The following CPS1 variants were observed in gnomAD, a reference collection of about 807,000 sequenced individuals.
The protein encoded by CPS1 is carbamoyl-phosphate synthase 1.
CPS1 carries 109 observed loss-of-function variants against 174.6 expected under a neutral mutation model. The ratio of observed to expected loss-of-function variants is 0.62; its 90% CI spans 0.53 to 0.73. CPS1 has a LOEUF of 0.73. Among genes scored for constraint, CPS1 ranks in the 30% least tolerant of loss-of-function variants. The pLI is 0.00. For missense variants in CPS1, 1,689 were observed against 1,821.9 expected, an observed-to-expected ratio of 0.93 and a Z score of 1.33; for synonymous variants, 637 against 632.0, an observed-to-expected ratio of 1.01 and a Z score of -0.12.
chr2:210,633,861 CGT>C (rs1363801100), intron 21 of CPS1, among the ~76,000 whole-genome samples: 2 of 152,088 alleles, frequency 1.3e-5, no homozygotes, highest in African/African-American at 2.4e-5. Flanking sequence ...ATGGTGCTGC[CGT>C]GTTAGCCCAT....
intron 1 of CPS1, among the ~76,000 whole-genome samples, chr2:210,563,880 C>A (rs1170123861): frequency 6.6e-6 from 1 of 152,142 alleles, no homozygotes; most frequent in East Asian, 1.9e-4. Context: ...GGGAATGTAG[C>A]TGTGTGACTC....
chr2:210,612,024 GTT>G lies in CPS1; in HGVS notation c.2392-90_2392-89del, dbSNP rs1699142812. On this transcript the variant is annotated intron_variant, in intron 19 of 37. Transcript: ENST00000233072. Reference sequence around the variant, plus strand: ...TATGATATATTTTTTGTTCTTATTTGTTTTATAAAATATATTTTACGTCCAGT... The same window carrying G: ...TATGATATATTTTTTGTTCTTATTTGTTATAAAATATATTTTACGTCCAGT... 3 of 1,060,690 alleles carry G rather than the reference GTT, an allele frequency of 2.8e-6. No homozygotes were observed. The Admixed American group carries it at 5.9e-5, about 21-fold the overall frequency. 65.7% of individuals were successfully genotyped at this position (1,060,690 alleles called of 1,614,324 possible).
intron 5 of CPS1, 158 bp downstream of exon 5, chr2:210,579,928 A>G (rs1574548221): frequency 1.2e-5 from 8 of 654,470 alleles, no homozygotes; most frequent in Admixed American, 1.0e-4. Context: ...TTGTTTTACT[A>G]TTTTCACTGT....
chr2:210,550,623 TATC>T (rs1396496067), intron 1 of CPS1, among the ~76,000 whole-genome samples: 3 of 151,948 alleles, frequency 2.0e-5, no homozygotes, highest in African/African-American at 7.2e-5. Flanking sequence ...AGATCATACT[TATC>T]ATCAGTGGAG....
intron 21 of CPS1, among the ~76,000 whole-genome samples, chr2:210,622,375 A>G (rs1699557533): frequency 6.6e-6 from 1 of 151,820 alleles, no homozygotes; most frequent in Non-Finnish European, 1.5e-5. Flanking sequence ...AATATATGTA[A>G]ACATAAGCAT....
At chr2:210,640,323 A>T (rs766499203) in intron 24 of CPS1, among the ~76,000 whole-genome samples, 2 of 152,094 alleles carry the variant, frequency 1.3e-5, no homozygotes, top group Non-Finnish European at 2.9e-5. Flanking sequence ...TTTTTAACTG[A>T]ATTGAGCCTT....
At chr2:210,577,998 C>T (rs755876566) in intron 4 of CPS1, among the ~76,000 whole-genome samples, 1 of 151,994 alleles carries the variant, frequency 6.6e-6, no homozygotes, top group African/African-American at 2.4e-5. Context: ...CATCAAGTCT[C>T]GTTGGGCTTC....
At chr2:210,654,816 A>G (rs1395430438) in intron 29 of CPS1, among the ~76,000 whole-genome samples, 1 of 152,194 alleles carries the variant, frequency 6.6e-6, no homozygotes, top group African/African-American at 2.4e-5. Context: ...ACTACTGAAG[A>G]TGTTAAATCT....
chr2:210,571,262 C>T (rs1697470117), intron 1 of CPS1, among the ~76,000 whole-genome samples: 1 of 151,676 alleles, frequency 6.6e-6, no homozygotes, highest in Non-Finnish European at 1.5e-5. Flanking sequence ...AACACTGGGT[C>T]GAAGGAAATA....
intron 1 of CPS1, among the ~76,000 whole-genome samples, chr2:210,572,237 C>T (rs1044699550): frequency 1.3e-5 from 2 of 151,960 alleles, no homozygotes; most frequent in African/African-American, 4.8e-5. Flanking sequence ...AATGTAACTA[C>T]AATCCTAAGA....
chr2:210,671,145 C>T (rs1307759065), intron 34 of CPS1, among the ~76,000 whole-genome samples: 1 of 152,132 alleles, frequency 6.6e-6, no homozygotes, highest in Non-Finnish European at 1.5e-5. Flanking sequence ...AAATGATTTA[C>T]TCTAGAGTAG....
intron 33 of CPS1, 35 bp from the exon 34 acceptor site, chr2:210,668,151 T>C: frequency 6.9e-7 from 1 of 1,452,752 alleles, no homozygotes; most frequent in Non-Finnish European, 9.6e-7. Context: ...ATTCTTTGCA[T>C]CCTCTATTTT....
intron 21 of CPS1, among the ~76,000 whole-genome samples, chr2:210,622,053 C>T (rs1287014995): frequency 6.6e-6 from 1 of 151,522 alleles, no homozygotes; most frequent in Non-Finnish European, 1.5e-5. Flanking sequence ...AAGCAGGACT[C>T]CAGAACCCAG....
rs3217217 is a variant in CPS1 at position 210,668,076 on chromosome 2, A to ATGTGTG, written c.4003-86_4003-81dup. The ATGTGTG allele has an allele frequency of 0.041, 27,018 of 662,502 alleles. 256 individuals are homozygous for ATGTGTG. Among genetic ancestry groups the ATGTGTG allele is most frequent in the Admixed American group, 0.071 (3,263 of 46,208 alleles). 41.0% of individuals were successfully genotyped at this position (662,502 alleles called of 1,614,324 possible). ...TAAAGTACTTTCCATTTGTGCGTGC[A>ATGTGTG]TGTGTGTGTGTGTGTGTGTGTGTGT... is the stretch of plus-strand genomic sequence containing the variant. On this transcript the variant is annotated intron_variant, in intron 33 of 37. Transcript: ENST00000233072.
chr2:210,503,519 T>G (rs1341542670), intron 1 of CPS1, among the ~76,000 whole-genome samples: 2 of 152,182 alleles, frequency 1.3e-5, no homozygotes, highest in African/African-American at 4.8e-5. Flanking sequence ...TCTTTGTTGG[T>G]GGCCTCTTTT....
intron 1 of CPS1, among the ~76,000 whole-genome samples, chr2:210,550,065 C>G (rs1696686451): frequency 6.6e-6 from 1 of 151,974 alleles, no homozygotes; most frequent in Admixed American, 6.6e-5. Context: ...ACGTGGCTCA[C>G]AGATGAATTA....
At chr2:210,662,820 A>G (rs1350212530) in intron 32 of CPS1, among the ~76,000 whole-genome samples, 4 of 152,226 alleles carry the variant, frequency 2.6e-5, no homozygotes, top group African/African-American at 9.6e-5. Context: ...AAATCATTCC[A>G]ATAGGAATAT....
chr2:210,611,829 T>C (rs891988608), intron 19 of CPS1, among the ~76,000 whole-genome samples: 2 of 151,860 alleles, frequency 1.3e-5, no homozygotes, highest in African/African-American at 4.8e-5. Context: ...TTTAATACTA[T>C]GGTCCAGAGC....
chr2:210,676,361 T>A (rs1337856527), intron 36 of CPS1, among the ~76,000 whole-genome samples: 3 of 152,212 alleles, frequency 2.0e-5, no homozygotes, highest in Non-Finnish European at 4.4e-5. Flanking sequence ...TTCAGCAGAT[T>A]GTGTGAATCT....
Sources: gnomAD v4.1 joint callset for allele counts (sites outside exome capture counted in the v4.1 genomes callset) on GRCh38, gnomAD v4.1.1 for gene constraint, MANE v1.5 for transcripts, NCBI Gene and HGNC (gene_info 2026-07-23, HGNC 2026-07-21) for gene names.